The following XRN1 variants were observed in gnomAD, a reference collection of about 807,000 sequenced individuals.
The protein encoded by XRN1 is strand-exchange protein 1 homolog.
Under a neutral mutation model 222.3 loss-of-function variants are expected in XRN1, and 67 were observed. That is an observed-to-expected ratio of 0.30 (90% CI 0.25 to 0.37). XRN1 has a LOEUF of 0.37. XRN1 is among the 10% of genes least tolerant of loss of function. XRN1 has a pLI of 1.00. For synonymous variants in XRN1, 643 were observed against 652.4 expected, an observed-to-expected ratio of 0.99 and a Z score of 0.22; for missense variants, 1,707 against 2,000.2, an observed-to-expected ratio of 0.85 and a Z score of 2.80.
At chr3:142,417,269 G>C in intron 12 of XRN1, 40 bp from the exon 13 acceptor site, 1 of 1,579,642 alleles carries the variant, frequency 6.3e-7, no homozygotes, top group Non-Finnish European at 8.7e-7. Context: ...ATTTTCTGAA[G>C]ACAGGCCCGT....
chr3:142,431,289 C>A (rs1470182600), intron 2 of XRN1, among the ~76,000 whole-genome samples: 1 of 152,170 alleles, frequency 6.6e-6, no homozygotes, highest in Non-Finnish European at 1.5e-5. Context: ...CAGTACAGAT[C>A]TAGCAACTGC....
At chr3:142,332,573 A>G (rs753913109) in intron 35 of XRN1, 39 bp from the exon 36 acceptor site, 2 of 1,552,930 alleles carry the variant, frequency 1.3e-6, no homozygotes, top group East Asian at 4.5e-5. Flanking sequence ...GTGAGGGTGA[A>G]GAGAACAAAG....
chr3:142,428,126 C>T (rs2069339650), intron 2 of XRN1, among the ~76,000 whole-genome samples: 1 of 152,140 alleles, frequency 6.6e-6, no homozygotes, highest in African/African-American at 2.4e-5. Context: ...GGTGCGGTGG[C>T]TCACACCTGT....
At chr3:142,341,792 A>G (rs762070509) in intron 33 of XRN1, among the ~76,000 whole-genome samples, 43 of 152,188 alleles carry the variant, frequency 2.8e-4, no homozygotes, top group Non-Finnish European at 5.3e-4. Context: ...TAGACAAAAT[A>G]CATTTCAAGA....
At chr3:142,319,501 CTTGTT>C (rs1011392278) in intron 37 of XRN1, among the ~76,000 whole-genome samples, 3 of 151,884 alleles carry the variant, frequency 2.0e-5, no homozygotes, top group African/African-American at 7.3e-5. Context: ...TATAAAAAAG[CTTGTT>C]TTGTTTTGGT....
At position 142,327,678 on chromosome 3, in the gene XRN1, T is replaced by C. The variant is rs113415098; in HGVS notation, c.4404+1756A>G. ...TTGCTTTTCTAGTTATTATTTATTT[T>C]AAAAATTTGTATAAACGTAAGGGGT... On this transcript the variant is annotated intron_variant, in intron 37 of 40. Transcript: ENST00000392981. Among the ~76,000 whole-genome samples, 779 of 152,268 alleles carry C rather than the reference T, an allele frequency of 5.1e-3. 9 individuals carry two copies. Among genetic ancestry groups the C allele is most frequent in the African/African-American group, 0.018 (757 of 41,568 alleles).
chr3:142,332,587 A>G, intron 35 of XRN1, 53 bp from the exon 36 acceptor site: 1 of 1,476,012 alleles, frequency 6.8e-7, no homozygotes, highest in South Asian at 1.3e-5. Flanking sequence ...AACAAAGTCA[A>G]CATTACATCT....
rs534107120 is a variant in XRN1, at chr3:142,419,824, A to G, written c.1174-943T>C. ...TGCTGTCTCCAAAAAAAAAAAAAAG[A>G]AACTCAGCAGAATCCAATAATTACA... On this transcript the variant is annotated intron_variant, in intron 10 of 40. Coordinates refer to ENST00000392981, the MANE Select transcript of XRN1 (RefSeq NM_001282857.2). Among the ~76,000 whole-genome samples, 487 of 152,008 alleles carry G rather than the reference A, an allele frequency of 3.2e-3. 2 individuals carry two copies. Among genetic ancestry groups the G allele is most frequent in the African/African-American group, 9.6e-3 (400 of 41,478 alleles).
chr3:142,405,543 C>G (rs1478731449), intron 15 of XRN1, among the ~76,000 whole-genome samples: 1 of 151,522 alleles, frequency 6.6e-6, no homozygotes, highest in Non-Finnish European at 1.5e-5. Context: ...AATAAGATAC[C>G]AGTGTTAATA....
chr3:142,338,981 G>C (rs868287064), intron 33 of XRN1, among the ~76,000 whole-genome samples: 2 of 152,164 alleles, frequency 1.3e-5, no homozygotes, highest in Non-Finnish European at 2.9e-5. Context: ...CTCCTGGATG[G>C]CATCTCAGGA....
chr3:142,354,766 A>G (rs1452518831), intron 32 of XRN1, among the ~76,000 whole-genome samples: 7 of 152,014 alleles, frequency 4.6e-5, no homozygotes, highest in African/African-American at 1.7e-4. Context: ...CCTGACCTCC[A>G]GTGATCCACC....
chr3:142,384,646 A>T lies in XRN1; in HGVS notation c.2379T>A (p.Ser793=). The change falls in exon 21 of 41, where the codon TCT becomes TCA. Residue 793 remains serine (S), a synonymous_variant. Transcript: ENST00000392981. ...RRKGIIINET[S]AVVYAQLLTG... ...TGAGTAACTGAGCATACACAACTGCAGATGTTTCATTTATTATTATTCCTT... is the reference window on the plus strand; with the variant it reads ...TGAGTAACTGAGCATACACAACTGCTGATGTTTCATTTATTATTATTCCTT... 1 of 1,603,602 alleles carries T rather than the reference A, an allele frequency of 6.2e-7. No individual in the cohort carries two copies. Among genetic ancestry groups the T allele is most frequent in the Non-Finnish European group, 8.5e-7 (1 of 1,176,170 alleles).
intron 15 of XRN1, among the ~76,000 whole-genome samples, chr3:142,411,517 C>A (rs1001613269): frequency 2.0e-5 from 3 of 152,022 alleles, no homozygotes; most frequent in African/African-American, 7.3e-5. Context: ...GACCATGGAT[C>A]CCTTTTTTTT....
At chr3:142,442,556 A>C (rs1253917104) in intron 1 of XRN1, among the ~76,000 whole-genome samples, 1 of 152,184 alleles carries the variant, frequency 6.6e-6, no homozygotes, top group Non-Finnish European at 1.5e-5. Flanking sequence ...AATGGAAATT[A>C]CTTAAAACCC....
Position 142,329,608 on chromosome 3 carries a change from A to G in XRN1, c.4230T>C (p.Tyr1410=), listed in dbSNP as rs115294670. The G allele has an allele frequency of 9.2e-3, 14,193 of 1,534,790 alleles. 76 individuals are homozygous for G. Among genetic ancestry groups the G allele is most frequent in the Non-Finnish European group, 0.01 (11,685 of 1,152,426 alleles). ...CATTAGCACTGTGAGGCTTGTTCAT[A>G]TAAGATGCTACCAAAAAAGAGAAAA... ...QPKQNKKLAS[Y]MNKPHSANEY... Residue 1410 remains tyrosine (Y), a synonymous_variant, in exon 37 of 41, where the codon TAT becomes TAC. Coordinates refer to ENST00000392981, the MANE Select transcript of XRN1 (RefSeq NM_001282857.2).
At chr3:142,403,240 A>G (rs192470204) in intron 18 of XRN1, among the ~76,000 whole-genome samples, 51 of 152,332 alleles carry the variant, frequency 3.3e-4, no homozygotes, top group Non-Finnish European at 5.4e-4. Context: ...TTCTAAAGAA[A>G]AGACTAAGTG....
chr3:142,341,150 GGAGGA>G (rs2065981487), intron 33 of XRN1, among the ~76,000 whole-genome samples: 3 of 152,096 alleles, frequency 2.0e-5, no homozygotes, highest in Admixed American at 6.6e-5. Context: ...TTATTAAGCA[GGAGGA>G]TGAAGTTAAA....
At chr3:142,368,291 G>A (rs928240221) in intron 27 of XRN1, among the ~76,000 whole-genome samples, 3 of 152,122 alleles carry the variant, frequency 2.0e-5, no homozygotes, top group African/African-American at 7.2e-5. Flanking sequence ...TGGGATTACA[G>A]GTACCCGCCA....
intron 27 of XRN1, 126 bp from the exon 28 acceptor site, chr3:142,365,492 A>G: frequency 1.6e-6 from 1 of 614,468 alleles, no homozygotes; most frequent in Admixed American, 3.8e-5. Flanking sequence ...TAAAATATTT[A>G]AAGTTCTGCA....
Sources: allele counts gnomAD v4.1 joint callset (sites outside exome capture counted in the v4.1 genomes callset), GRCh38; gene constraint gnomAD v4.1.1; transcripts MANE v1.5; gene names NCBI Gene and HGNC (gene_info 2026-07-23, HGNC 2026-07-21).